The following ROBO1 variants were observed in gnomAD, a reference collection of about 807,000 sequenced individuals.
The protein encoded by ROBO1 is roundabout guidance receptor 1, also known as roundabout homolog 1.
ROBO1 carries 149 observed loss-of-function variants against 195.9 expected under a neutral mutation model. That is an observed-to-expected ratio of 0.76 (90% CI 0.67 to 0.87). ROBO1 has a LOEUF of 0.87. Among genes scored for constraint, ROBO1 ranks in the 40% least tolerant of loss-of-function variants. The pLI, the probability that ROBO1 is intolerant of heterozygous loss-of-function variation, is 0.00. For missense variants in ROBO1, 1,933 were observed against 2,068.3 expected, an observed-to-expected ratio of 0.93 and a Z score of 1.27; for synonymous variants, 816 against 733.2, an observed-to-expected ratio of 1.11 and a Z score of -1.82.
intron 2 of ROBO1, among the ~76,000 whole-genome samples, chr3:79,367,179 A>G (rs958310595): frequency 6.6e-6 from 1 of 152,150 alleles, no homozygotes; most frequent in African/African-American, 2.4e-5. Flanking sequence ...AACATCTTAC[A>G]TGCAGGAAGT....
At chr3:78,849,201 T>C (rs2033873148) in intron 4 of ROBO1, among the ~76,000 whole-genome samples, 1 of 152,140 alleles carries the variant, frequency 6.6e-6, no homozygotes. Flanking sequence ...GTGGGCATGA[T>C]GGGTGGGCAA....
chr3:79,057,598 A>G (rs2078835777), intron 3 of ROBO1, among the ~76,000 whole-genome samples: 1 of 151,876 alleles, frequency 6.6e-6, no homozygotes, highest in South Asian at 2.1e-4. Context: ...ACAAACCTAA[A>G]AATTTCACCA....
intron 2 of ROBO1, among the ~76,000 whole-genome samples, chr3:79,351,536 T>A (rs1016511670): frequency 7.9e-5 from 12 of 152,142 alleles, no homozygotes; most frequent in Admixed American, 6.6e-4. Context: ...AGATATTTTA[T>A]TTTTACAAAA....
chr3:78,748,885 C>T (rs142110944), intron 4 of ROBO1, among the ~76,000 whole-genome samples: 2 of 152,214 alleles, frequency 1.3e-5, no homozygotes, highest in African/African-American at 2.4e-5. Flanking sequence ...AATCTGATCT[C>T]GCCAAACTGT....
Position 78,685,857 on chromosome 3 carries a change from C to T in ROBO1, c.1231G>A (p.Gly411Ser). The change falls in exon 10 of 31, where the codon GGC becomes AGC. Residue 411 changes from glycine to serine, a missense_variant. Physicochemically the swap from Gly to Ser is moderately conservative, Grantham distance 56. Transcript: ENST00000464233. ...SSSRFSVSQT[G>S]DLTITNVQRS... Reference sequence around the variant, plus strand: ...TGGACATTAGTAATTGTGAGGTCGCCAGTCTGGGAGACTGAAAATCGGCTG... The same window carrying T: ...TGGACATTAGTAATTGTGAGGTCGCTAGTCTGGGAGACTGAAAATCGGCTG... 6.2e-7 allele frequency: 1 copy of T among 1,609,180 alleles called. No individual in the cohort carries two copies. Among genetic ancestry groups the T allele is most frequent in the Non-Finnish European group, 8.5e-7 (1 of 1,177,032 alleles).
chr3:79,668,697 A>G (rs1164428963), intron 1 of ROBO1, among the ~76,000 whole-genome samples: 1 of 151,838 alleles, frequency 6.6e-6, no homozygotes, highest in Non-Finnish European at 1.5e-5. Context: ...ACATGTATAT[A>G]TAGATACATA....
chr3:79,113,951 T>C (rs1030656180), intron 3 of ROBO1, among the ~76,000 whole-genome samples: 1 of 152,184 alleles, frequency 6.6e-6, no homozygotes, highest in South Asian at 2.1e-4. Flanking sequence ...TCCGCATGTG[T>C]CAAGGGCTGG....
rs80348167 is a variant in ROBO1, at chr3:79,284,058, C to T, written c.89-158519G>A. Among the ~76,000 whole-genome samples the T allele has an allele frequency of 1.4e-3, 208 of 151,828 alleles. 4 individuals carry two copies. The East Asian group carries it at 0.037, about 27-fold the overall frequency. On this transcript the variant is annotated intron_variant, in intron 2 of 30. Coordinates refer to ENST00000464233, the MANE Select transcript of ROBO1 (RefSeq NM_002941.4). ...AGTTCTGGGTCGCTGGTGGATTTTTCTCATCTGATAGGCCTATATGTATAT... is the reference window on the plus strand; with the variant it reads ...AGTTCTGGGTCGCTGGTGGATTTTTTTCATCTGATAGGCCTATATGTATAT...
intron 2 of ROBO1, among the ~76,000 whole-genome samples, chr3:79,163,697 T>TTTGTTG (rs1197907929): frequency 6.6e-6 from 1 of 152,004 alleles, no homozygotes; most frequent in African/African-American, 2.4e-5. Flanking sequence ...GTTTTCAGGT[T>TTTGTTG]TTGTTGTTGT....
At chr3:79,645,514 A>C (rs1393008746) in intron 1 of ROBO1, among the ~76,000 whole-genome samples, 2 of 152,046 alleles carry the variant, frequency 1.3e-5, no homozygotes, top group East Asian at 3.9e-4. Context: ...AAATAAATAA[A>C]TAAATAATTA....
chr3:79,438,348 T>A (rs987057083), intron 2 of ROBO1, among the ~76,000 whole-genome samples: 1 of 151,952 alleles, frequency 6.6e-6, no homozygotes, highest in Non-Finnish European at 1.5e-5. Context: ...CATGGGTTGT[T>A]ATTATTACCA....
chr3:78,917,153 G>C (rs926063545), intron 4 of ROBO1, among the ~76,000 whole-genome samples: 2 of 142,982 alleles, frequency 1.4e-5, no homozygotes, highest in African/African-American at 5.2e-5. Flanking sequence ...CTGGAGTGCA[G>C]AGGCACAATC....
chr3:79,541,148 C>T (rs931640227), intron 2 of ROBO1, among the ~76,000 whole-genome samples: 6 of 152,158 alleles, frequency 3.9e-5, no homozygotes, highest in Admixed American at 1.3e-4. Context: ...TCAAAGTTTA[C>T]GTTTGGAAAT....
chr3:79,025,663 TA>T (rs1416272630), intron 3 of ROBO1, among the ~76,000 whole-genome samples: 2 of 152,098 alleles, frequency 1.3e-5, no homozygotes, highest in African/African-American at 4.8e-5. Flanking sequence ...GAATATCACT[TA>T]TGGAGCTCAT....
intron 3 of ROBO1, among the ~76,000 whole-genome samples, chr3:79,024,771 A>C (rs942042129): frequency 6.6e-6 from 1 of 152,148 alleles, no homozygotes; most frequent in East Asian, 1.9e-4. Flanking sequence ...TACACCTGAA[A>C]ATTAAGAGCT....
At chr3:79,566,785 A>T (rs147753965) in intron 2 of ROBO1, among the ~76,000 whole-genome samples, 225 of 152,252 alleles carry the variant, frequency 1.5e-3, no homozygotes, top group African/African-American at 5.1e-3. Context: ...AAAATAACAG[A>T]TGCTGGAGAG....
At position 78,842,571 on chromosome 3, in the gene ROBO1, ATT is replaced by A. The variant is rs575106351; in HGVS notation, c.500-95673_500-95672del. ...CCATATATATTTATATATATGAGCC[ATT>A]TATATATTTATATATGAGCCATATA... is the stretch of plus-strand genomic sequence containing the variant. On this transcript the variant is annotated intron_variant, in intron 4 of 30. Coordinates refer to ENST00000464233, the MANE Select transcript of ROBO1 (RefSeq NM_002941.4). 3.5e-4 allele frequency among the ~76,000 whole-genome samples: 37 copies of A among 106,998 alleles called. 3 individuals are homozygous for A. In the South Asian group the frequency reaches 8.2e-3, roughly 24 times the overall value. 70.2% of individuals were successfully genotyped at this position (106,998 alleles called of 152,430 possible).
intron 4 of ROBO1, among the ~76,000 whole-genome samples, chr3:78,846,550 C>T (rs2033685160): frequency 1.3e-5 from 2 of 151,918 alleles, no homozygotes; most frequent in Admixed American, 6.6e-5. Flanking sequence ...AGCATTTAAG[C>T]CTATTGAAAA....
intron 28 of ROBO1, chr3:78,607,367 C>T: frequency 1.3e-5 from 3 of 235,306 alleles, no homozygotes; most frequent in East Asian, 9.6e-5. Context: ...CATGCACCAC[C>T]ACACCTGGCT....
Sources: gnomAD v4.1 joint callset for allele counts (sites outside exome capture counted in the v4.1 genomes callset) on GRCh38, gnomAD v4.1.1 for gene constraint, MANE v1.5 for transcripts, NCBI Gene and HGNC (gene_info 2026-07-23, HGNC 2026-07-21) for gene names.